ANKRD12: variants seen among roughly 807,000 people sequenced by gnomAD.
ANKRD12 encodes ankyrin repeat domain-containing protein 12.
Under a neutral mutation model 183.4 loss-of-function variants are expected in ANKRD12, and 85 were observed. The ratio of observed to expected loss-of-function variants is 0.46; its 90% CI spans 0.39 to 0.56. The LOEUF (loss-of-function observed/expected upper bound fraction) is 0.56, where lower values mean the gene tolerates loss of function less well. Among genes scored for constraint, ANKRD12 ranks in the 20% least tolerant of loss-of-function variants. The pLI is 0.00. For synonymous variants in ANKRD12, 914 were observed against 800.2 expected, an observed-to-expected ratio of 1.14 and a Z score of -2.40; for missense variants, 2,405 against 2,357.1, an observed-to-expected ratio of 1.02 and a Z score of -0.42.
chr18:9,218,926 G>A (rs193271141), intron 7 of ANKRD12, among the ~76,000 whole-genome samples: 1 of 152,192 alleles, frequency 6.6e-6, no homozygotes, highest in African/African-American at 2.4e-5. Flanking sequence ...CTCCCAAAGC[G>A]TTGGGATTAT....
intron 10 of ANKRD12, among the ~76,000 whole-genome samples, chr18:9,274,016 G>A (rs1345421057): frequency 1.3e-5 from 2 of 152,184 alleles, no homozygotes; most frequent in Non-Finnish European, 1.5e-5. Context: ...AAATCTACTG[G>A]ACAGCTAAAG....
chr18:9,146,046 AG>A (rs2078481959), intron 1 of ANKRD12, among the ~76,000 whole-genome samples: 1 of 152,222 alleles, frequency 6.6e-6, no homozygotes, highest in African/African-American at 2.4e-5. Context: ...GCACTGAAAT[AG>A]GTCTCTTCAA....
chr18:9,198,993 T>C (rs1442946315), intron 3 of ANKRD12, among the ~76,000 whole-genome samples: 4 of 152,126 alleles, frequency 2.6e-5, no homozygotes, highest in African/African-American at 9.7e-5. Flanking sequence ...TTTTTCACCC[T>C]TAAAAATAAT....
At chr18:9,260,212 C>T (rs367825547) in intron 9 of ANKRD12, 10 of 152,206 alleles carry the variant, frequency 6.6e-5, no homozygotes, top group African/African-American at 2.2e-4. Context: ...AGTAATCTTC[C>T]CTCACATTTA....
intron 3 of ANKRD12, among the ~76,000 whole-genome samples, chr18:9,198,684 G>A (rs148039206): frequency 0.023 from 3,451 of 152,048 alleles, 69 homozygotes; most frequent in South Asian, 0.056. Context: ...CGAGTAGCTG[G>A]GATTACAGGC....
At chr18:9,173,586 T>C (rs1306379886) in intron 1 of ANKRD12, among the ~76,000 whole-genome samples, 1 of 107,220 alleles carries the variant, frequency 9.3e-6, no homozygotes, top group Non-Finnish European at 1.8e-5. Flanking sequence ...GTCTGCTCCT[T>C]CCCTTGGGAG....
intron 3 of ANKRD12, among the ~76,000 whole-genome samples, chr18:9,202,213 T>C (rs538090673): frequency 6.6e-6 from 1 of 152,336 alleles, no homozygotes; most frequent in Non-Finnish European, 1.5e-5. Flanking sequence ...GAGGCAGCTG[T>C]AGAATATGTT....
intron 1 of ANKRD12, among the ~76,000 whole-genome samples, chr18:9,171,408 G>A (rs570003353): frequency 2.0e-5 from 3 of 152,084 alleles, no homozygotes; most frequent in Non-Finnish European, 4.4e-5. Context: ...TTTAATTGGG[G>A]CATTTAGCTC....
At chr18:9,228,406 T>C (rs1353551113) in intron 8 of ANKRD12, among the ~76,000 whole-genome samples, 3 of 152,238 alleles carry the variant, frequency 2.0e-5, no homozygotes, top group East Asian at 1.9e-4. Context: ...AACTTTTCCA[T>C]AGCAGTTGTA....
chr18:9,248,272 C>G (rs370726655), intron 8 of ANKRD12, among the ~76,000 whole-genome samples: 1 of 152,190 alleles, frequency 6.6e-6, no homozygotes, highest in African/African-American at 2.4e-5. Context: ...TCAAGACTGA[C>G]ATGAACATCG....
rs187875050 is a variant in ANKRD12 at position 9,279,883 on chromosome 18, C to T, written c.6003+239C>T. Among the ~76,000 whole-genome samples the T allele has an allele frequency of 2.0e-5, 3 of 152,234 alleles. No individual in the cohort carries two copies. The East Asian group carries it at 5.8e-4, about 29-fold the overall frequency. On this transcript the variant is annotated intron_variant, in intron 12 of 12. Transcript: ENST00000262126. ...TTTCTAGTGTGGGTCTTCATGCTTACTATCCAATGTACCTGTCTGGTTATA... is the reference window on the plus strand; with the variant it reads ...TTTCTAGTGTGGGTCTTCATGCTTATTATCCAATGTACCTGTCTGGTTATA...
chr18:9,193,340 C>A (rs1250836754), intron 2 of ANKRD12, among the ~76,000 whole-genome samples: 1 of 151,846 alleles, frequency 6.6e-6, no homozygotes, highest in Non-Finnish European at 1.5e-5. Flanking sequence ...AGGTCAGGGT[C>A]CCCCTGTGTG....
At chr18:9,194,938 C>A (rs181902982) in intron 2 of ANKRD12, among the ~76,000 whole-genome samples, 2 of 152,118 alleles carry the variant, frequency 1.3e-5, no homozygotes, top group African/African-American at 2.4e-5. Context: ...AACCTAAATG[C>A]GCATCAACAG....
chr18:9,178,624 A>C (rs557216888), intron 1 of ANKRD12, among the ~76,000 whole-genome samples: 4 of 152,138 alleles, frequency 2.6e-5, no homozygotes, highest in Non-Finnish European at 5.9e-5. Flanking sequence ...GGACTTTTCT[A>C]GGTTCTTAAC....
chr18:9,230,728 G>T (rs556531754), intron 8 of ANKRD12, among the ~76,000 whole-genome samples: 2 of 151,248 alleles, frequency 1.3e-5, no homozygotes, highest in African/African-American at 4.9e-5. Flanking sequence ...GCACGATCTC[G>T]GCTTATTGCA....
chr18:9,144,949 CAAT>C (rs1168873763), intron 1 of ANKRD12, among the ~76,000 whole-genome samples: 1 of 151,684 alleles, frequency 6.6e-6, no homozygotes, highest in Non-Finnish European at 1.5e-5. Flanking sequence ...ACTAATATAT[CAAT>C]AATTATGATT....
intron 7 of ANKRD12, among the ~76,000 whole-genome samples, chr18:9,221,372 A>G (rs2036411680): frequency 6.6e-6 from 1 of 152,158 alleles, no homozygotes; most frequent in Non-Finnish European, 1.5e-5. Flanking sequence ...TGATACTTAA[A>G]ATTCCTGGGC....
rs1480929902 is a variant in ANKRD12 at position 9,182,480 on chromosome 18, C to T, written c.48C>T (p.Asp16=). ...AACCAATTCAGAGTGAAAATTCTGACAGTGACAGCAATATGGTAGAGAAAC... is the reference window on the plus strand; with the variant it reads ...AACCAATTCAGAGTGAAAATTCTGATAGTGACAGCAATATGGTAGAGAAAC... The part of the protein sequence containing the change: ...FTKPIQSENS[D]SDSNMVEKPY... Residue 16 remains aspartate (D), a synonymous_variant, in exon 2 of 13, where the codon GAC becomes GAT. Transcript: ENST00000262126. The T allele has an allele frequency of 1.2e-6, 2 of 1,610,868 alleles. No individual in the cohort carries two copies. Among genetic ancestry groups the T allele is most frequent in the South Asian group, 2.2e-5 (2 of 90,732 alleles).
In ANKRD12 at chr18:9,254,204, A is replaced by G; in HGVS notation, c.944-7A>G. The G allele has an allele frequency of 1.3e-6, 2 of 1,489,854 alleles. No homozygotes were observed. The highest frequency in any genetic ancestry group is 1.9e-4 in the Middle Eastern group (1 of 5,278). 92.3% of individuals were successfully genotyped at this position (1,489,854 alleles called of 1,614,324 possible). On this transcript the variant is annotated splice_region_variant and splice_polypyrimidine_tract_variant and intron_variant, in intron 8 of 12. Transcript: ENST00000262126. ...ACCCACACCACATTTTCTTTTTTTT[A>G]TTCTAGATTCCGAAGAGGCTCAATC...
Sources: gnomAD v4.1 joint callset for allele counts (sites outside exome capture counted in the v4.1 genomes callset) on GRCh38, gnomAD v4.1.1 for gene constraint, MANE v1.5 for transcripts, NCBI Gene and HGNC (gene_info 2026-07-23, HGNC 2026-07-21) for gene names.